DNAH5: variants seen among roughly 807,000 people sequenced by gnomAD.
DNAH5 encodes axonemal beta dynein heavy chain 5.
In DNAH5, 372 loss-of-function variants were observed where a neutral mutation model predicts 518.2. The observed-to-expected ratio is 0.72, with a 90% CI of 0.66 to 0.78. The LOEUF (loss-of-function observed/expected upper bound fraction) is 0.78. Ranked by LOEUF, DNAH5 falls within the 30% of genes least tolerant of loss-of-function variation. DNAH5 has a pLI of 0.00. For missense variants in DNAH5, 5,523 were observed against 5,687.0 expected, an observed-to-expected ratio of 0.97 and a Z score of 0.93; for synonymous variants, 2,039 against 2,025.9, an observed-to-expected ratio of 1.01 and a Z score of -0.17.
intron 47 of DNAH5, among the ~76,000 whole-genome samples, chr5:13,798,952 G>A (rs1013535286): frequency 2.6e-5 from 4 of 151,890 alleles, no homozygotes; most frequent in African/African-American, 9.7e-5. Context: ...TTTTAGTAGA[G>A]ATGGGATTTC....
intron 21 of DNAH5, among the ~76,000 whole-genome samples, chr5:13,879,482 T>A (rs1473684701): frequency 6.6e-6 from 1 of 152,034 alleles, no homozygotes; most frequent in African/African-American, 2.4e-5. Context: ...AACCCCATTA[T>A]AAAGTCAAAA....
chr5:13,972,090 C>T (rs770782946), intron 1 of DNAH5, among the ~76,000 whole-genome samples: 3 of 152,044 alleles, frequency 2.0e-5, no homozygotes, highest in Non-Finnish European at 2.9e-5. Flanking sequence ...TACAGGTGGC[C>T]AAGGAAGTGG....
At chr5:13,808,388 G>A (rs762156579) in intron 46 of DNAH5, among the ~76,000 whole-genome samples, 4 of 152,106 alleles carry the variant, frequency 2.6e-5, no homozygotes, top group African/African-American at 4.8e-5. Flanking sequence ...CCAGAACAGA[G>A]AGAAAAGAAA....
chr5:13,724,182 G>C (rs989919459), intron 70 of DNAH5, among the ~76,000 whole-genome samples: 1 of 152,044 alleles, frequency 6.6e-6, no homozygotes. Context: ...GGCATTACTC[G>C]GTCTCCCCAT....
At chr5:13,899,012 A>G (rs1307357437) in intron 15 of DNAH5, 2 of 158,070 alleles carry the variant, frequency 1.3e-5, no homozygotes, top group African/African-American at 2.4e-5. Context: ...GCTCACTGCA[A>G]CCTCCATCTC....
chr5:13,944,577 A>G lies in DNAH5; in HGVS notation c.-139T>C, dbSNP rs570853450. 52 of 730,562 alleles carry G rather than the reference A, an allele frequency of 7.1e-5. No homozygotes were observed. Among genetic ancestry groups the G allele is most frequent in the South Asian group, 5.4e-4 (36 of 67,044 alleles). The allele number at this position is 730,562 out of a possible 1,614,324, so 45.3% of individuals were successfully genotyped here. A position where few individuals can be genotyped will look rare whatever the true frequency, so the allele number is the denominator to read the frequency against. On this transcript the variant is annotated 5_prime_UTR_variant, in exon 1 of 79. Coordinates refer to ENST00000265104, the MANE Select transcript of DNAH5 (RefSeq NM_001369.3). ...ACTTTCACGTTTCTAATTTGCATGT[A>G]TTATTCACTACATTCACAGAATAAA...
chr5:13,880,117 A>C (rs942180674), intron 21 of DNAH5, among the ~76,000 whole-genome samples: 1 of 152,196 alleles, frequency 6.6e-6, no homozygotes, highest in Non-Finnish European at 1.5e-5. Flanking sequence ...TTCTTAGCAG[A>C]AGCCTTGCAG....
chr5:13,705,722 G>A (rs1335862881), intron 76 of DNAH5, among the ~76,000 whole-genome samples: 3 of 152,194 alleles, frequency 2.0e-5, no homozygotes, highest in Admixed American at 6.5e-5. Flanking sequence ...AGGCATAAGC[G>A]TGACCCTAAT....
At chr5:13,758,393 G>C (rs911654788) in intron 61 of DNAH5, among the ~76,000 whole-genome samples, 1 of 152,254 alleles carries the variant, frequency 6.6e-6, no homozygotes, top group African/African-American at 2.4e-5. Context: ...TACTTGGGAG[G>C]CTGAGGTGGA....
intron 1 of DNAH5, among the ~76,000 whole-genome samples, chr5:13,984,580 T>G (rs1782904677): frequency 6.6e-6 from 1 of 152,216 alleles, no homozygotes. Flanking sequence ...ATAGGAGTGG[T>G]GAGAGAGGGC....
chr5:13,960,058 A>C (rs2152045423), intron 1 of DNAH5, among the ~76,000 whole-genome samples: 1 of 152,088 alleles, frequency 6.6e-6, no homozygotes, highest in Non-Finnish European at 1.5e-5. Context: ...AAAGACAAGA[A>C]TAGAAAAGGA....
intron 65 of DNAH5, among the ~76,000 whole-genome samples, chr5:13,741,291 C>T (rs531847068): frequency 9.8e-5 from 15 of 152,312 alleles, no homozygotes; most frequent in South Asian, 4.1e-4. Flanking sequence ...ACAACTCATG[C>T]TCTGAGCACA....
intron 8 of DNAH5, among the ~76,000 whole-genome samples, chr5:13,916,881 C>T (rs1776703403): frequency 6.6e-6 from 1 of 151,984 alleles, no homozygotes; most frequent in Admixed American, 6.6e-5. Flanking sequence ...GAAAATGTAA[C>T]ATGCAATAAA....
intron 66 of DNAH5, 24 bp from the exon 67 acceptor site, chr5:13,735,956 C>T (rs765852895): frequency 6.4e-7 from 1 of 1,567,138 alleles, no homozygotes; most frequent in African/African-American, 1.3e-5. Context: ...AGCAAGGTTG[C>T]ATGTGCTACG....
At chr5:13,754,114 G>T in intron 62 of DNAH5, 89 bp downstream of exon 62, 2 of 1,508,084 alleles carry the variant, frequency 1.3e-6, no homozygotes, top group Non-Finnish European at 1.8e-6. Flanking sequence ...CGCCATGTTG[G>T]ACACACAAAG....
Position 13,735,186 on chromosome 5 carries a change from C to A in DNAH5, c.11706G>T (p.Lys3902Asn), listed in dbSNP as rs1387256958. ...TGACTCGGTTCCTCTGGATGTCAAT[C>A]TTTAGGGTAAGCAACAAGGTGAACA... ...KFLFTLLLTL[K>N]IDIQRNRVKH... Residue 3902 changes from lysine to asparagine, a missense_variant, in exon 68 of 79, where the codon AAG becomes AAT. Physicochemically the swap from Lys to Asn is moderately conservative, Grantham distance 94. Coordinates refer to ENST00000265104, the MANE Select transcript of DNAH5 (RefSeq NM_001369.3). The A allele has an allele frequency of 1.2e-6, 2 of 1,613,974 alleles. No homozygotes were observed. The highest frequency in any genetic ancestry group is 3.3e-5 in the Admixed American group (2 of 60,002).
chr5:13,720,820 T>TTTGC (rs1744948639), intron 71 of DNAH5, among the ~76,000 whole-genome samples, 180 bp downstream of exon 71: 1 of 151,734 alleles, frequency 6.6e-6, no homozygotes, highest in African/African-American at 2.4e-5. Context: ...AGTTGATTTA[T>TTTGC]TTGCCACATT....
intron 13 of DNAH5, 96 bp from the exon 14 acceptor site, chr5:13,901,669 T>G: frequency 2.7e-6 from 2 of 751,882 alleles, no homozygotes; most frequent in Non-Finnish European, 4.0e-6. Context: ...TTAATATTTA[T>G]TTTTTAAAAT....
intron 52 of DNAH5, among the ~76,000 whole-genome samples, chr5:13,785,381 G>A (rs1208393528): frequency 6.6e-6 from 1 of 152,112 alleles, no homozygotes; most frequent in Non-Finnish European, 1.5e-5. Context: ...CCGGGGCTGG[G>A]AACCCCTTCT....
Sources: allele counts gnomAD v4.1 joint callset (sites outside exome capture counted in the v4.1 genomes callset), GRCh38; gene constraint gnomAD v4.1.1; transcripts MANE v1.5; gene names NCBI Gene and HGNC (gene_info 2026-07-23, HGNC 2026-07-21).